The following HPSE2 variants were observed in gnomAD, a reference collection of about 807,000 sequenced individuals.
The protein encoded by HPSE2 is heparanase 2 (inactive).
Under a neutral mutation model 60.5 loss-of-function variants are expected in HPSE2, and 38 were observed. The ratio of observed to expected loss-of-function variants is 0.63; its 90% CI spans 0.48 to 0.82. The LOEUF (loss-of-function observed/expected upper bound fraction) is 0.82. Ranked by LOEUF, HPSE2 falls within the 40% of genes least tolerant of loss-of-function variation. The pLI, the probability that HPSE2 is intolerant of heterozygous loss-of-function variation, is 0.00. For synonymous variants in HPSE2, 295 were observed against 293.2 expected (o/e 1.01, Z -0.06); for missense variants, 713 against 740.4 (o/e 0.96, Z 0.43).
intron 3 of HPSE2, among the ~76,000 whole-genome samples, chr10:99,009,422 AAAACAAAC>A (rs530057453): frequency 6.6e-6 from 1 of 152,038 alleles, no homozygotes; most frequent in African/African-American, 2.4e-5. Context: ...CCAGTCTCAA[AAAACAAAC>A]AAACAAACAA....
chr10:98,884,072 A>T (rs1953099202), intron 3 of HPSE2, among the ~76,000 whole-genome samples: 1 of 152,166 alleles, frequency 6.6e-6, no homozygotes, highest in African/African-American at 2.4e-5. Context: ...CTTATTACTG[A>T]TATGGAGAAA....
chr10:98,650,219 T>C (rs927768157), intron 6 of HPSE2, among the ~76,000 whole-genome samples: 1 of 152,182 alleles, frequency 6.6e-6, no homozygotes, highest in Non-Finnish European at 1.5e-5. Context: ...GAAAAGTCTC[T>C]GAGGAAAAGC....
chr10:99,146,431 C>A (rs1287703740), intron 2 of HPSE2, among the ~76,000 whole-genome samples: 1 of 152,192 alleles, frequency 6.6e-6, no homozygotes, highest in African/African-American at 2.4e-5. Flanking sequence ...ACTTCCCTTG[C>A]CAGATTAAAA....
chr10:98,599,046 G>A (rs1039641445), intron 9 of HPSE2, among the ~76,000 whole-genome samples: 15 of 152,124 alleles, frequency 9.9e-5, no homozygotes, highest in East Asian at 9.7e-4. Context: ...CTGGGTCCAC[G>A]GGGACTGGTC....
intron 4 of HPSE2, among the ~76,000 whole-genome samples, chr10:98,743,367 TA>T (rs1209350537): frequency 1.3e-5 from 2 of 152,184 alleles, no homozygotes; most frequent in South Asian, 2.1e-4. Flanking sequence ...AATGCTGGGT[TA>T]AAAAATGTCT....
At chr10:98,537,676 G>T (rs546422352) in intron 9 of HPSE2, among the ~76,000 whole-genome samples, 2 of 152,146 alleles carry the variant, frequency 1.3e-5, no homozygotes, top group Non-Finnish European at 2.9e-5. Flanking sequence ...AAGCGGTAAC[G>T]CCAGTGTCTG....
intron 2 of HPSE2, among the ~76,000 whole-genome samples, chr10:99,174,393 T>C (rs1328207358): frequency 6.6e-6 from 1 of 152,242 alleles, no homozygotes; most frequent in South Asian, 2.1e-4. Context: ...CTTCTGTAGC[T>C]TCTATAGCTC....
rs1438396632 is a variant in HPSE2, at chr10:98,757,428, A to C, written c.611-13372T>G. On this transcript the variant is annotated intron_variant, in intron 3 of 11. Coordinates refer to ENST00000370552, the MANE Select transcript of HPSE2 (RefSeq NM_021828.5). ...CAGACAATATGATTCTACACCTAGAAAACCCTAAAGACTCCACCAAAAGGC... is the reference window on the plus strand; with the variant it reads ...CAGACAATATGATTCTACACCTAGACAACCCTAAAGACTCCACCAAAAGGC... 2.0e-5 allele frequency among the ~76,000 whole-genome samples: 3 copies of C among 152,154 alleles called. No individual in the cohort carries two copies. In the East Asian group the frequency reaches 5.8e-4, roughly 29 times the overall value.
chr10:98,696,507 C>A (rs963823849), intron 5 of HPSE2, among the ~76,000 whole-genome samples: 1 of 152,144 alleles, frequency 6.6e-6, no homozygotes, highest in African/African-American at 2.4e-5. Flanking sequence ...GAGTGTGCTA[C>A]CCAGCCTGGG....
chr10:99,271,378 C>T, the HPSE2 span, among the ~76,000 whole-genome samples: 1 of 152,168 alleles, frequency 6.6e-6, no homozygotes, highest in Non-Finnish European at 1.5e-5. Flanking sequence ...AACTCAACCC[C>T]TTTTACAATA....
chr10:98,792,740 C>A (rs1950685241), intron 3 of HPSE2, among the ~76,000 whole-genome samples: 2 of 151,910 alleles, frequency 1.3e-5, no homozygotes, highest in Admixed American at 1.3e-4. Flanking sequence ...GGAGACCTGT[C>A]ATTTATATAG....
chr10:98,476,282 A>T (rs1490751032), intron 11 of HPSE2, among the ~76,000 whole-genome samples: 2 of 134,424 alleles, frequency 1.5e-5, no homozygotes, highest in Admixed American at 1.7e-4. Context: ...ATGAGAACAC[A>T]TGGACACAGG....
At chr10:98,696,535 T>A (rs768256061) in intron 5 of HPSE2, among the ~76,000 whole-genome samples, 3 of 152,154 alleles carry the variant, frequency 2.0e-5, no homozygotes, top group Admixed American at 1.3e-4. Context: ...GCTTTTTCCA[T>A]GGAACTGTGT....
At chr10:98,889,107 A>C (rs1234231956) in intron 3 of HPSE2, among the ~76,000 whole-genome samples, 1 of 152,054 alleles carries the variant, frequency 6.6e-6, no homozygotes, top group Non-Finnish European at 1.5e-5. Context: ...TTTTTTTTTC[A>C]GATTTTTTCT....
At chr10:99,160,033 CG>C (rs1554904174) in intron 2 of HPSE2, among the ~76,000 whole-genome samples, 3 of 151,298 alleles carry the variant, frequency 2.0e-5, no homozygotes, top group Non-Finnish European at 4.4e-5. Flanking sequence ...CCCAGCGACT[CG>C]GGAGGCTGAA....
intron 7 of HPSE2, among the ~76,000 whole-genome samples, chr10:98,639,626 C>A (rs568862672): frequency 6.6e-6 from 1 of 152,302 alleles, no homozygotes; most frequent in African/African-American, 2.4e-5. Flanking sequence ...CCTTAAGTTT[C>A]TTGGGCCCTG....
chr10:98,732,494 A>AT (rs200152533), intron 4 of HPSE2, among the ~76,000 whole-genome samples: 47 of 150,554 alleles, frequency 3.1e-4, no homozygotes, highest in Non-Finnish European at 4.4e-4. Context: ...TGGTCAATTG[A>AT]TTTTTTTTTT....
At chr10:98,614,868 T>A in intron 9 of HPSE2, 36 bp downstream of exon 9, 1 of 1,363,208 alleles carries the variant, frequency 7.3e-7, no homozygotes, top group African/African-American at 1.4e-5. Context: ...CTGAATGACA[T>A]GGAAAAGGGA....
chr10:99,190,727 A>C (rs1848191723), intron 2 of HPSE2, among the ~76,000 whole-genome samples: 1 of 152,174 alleles, frequency 6.6e-6, no homozygotes, highest in Non-Finnish European at 1.5e-5. Flanking sequence ...AAATTGAACA[A>C]CTATCCATAC....
Sources: allele counts gnomAD v4.1 joint callset (sites outside exome capture counted in the v4.1 genomes callset), GRCh38; gene constraint gnomAD v4.1.1; transcripts MANE v1.5; gene names NCBI Gene and HGNC (gene_info 2026-07-23, HGNC 2026-07-21).